TTC39C: variants seen among roughly 807,000 people sequenced by gnomAD.
The protein encoded by TTC39C is tetratricopeptide repeat domain 39C, also known as tetratricopeptide repeat protein 39C.
Under a neutral mutation model 76.3 loss-of-function variants are expected in TTC39C, and 33 were observed. The ratio of observed to expected loss-of-function variants is 0.43; its 90% CI spans 0.33 to 0.58. TTC39C has a LOEUF of 0.58. Ranked by LOEUF, TTC39C falls within the 20% of genes least tolerant of loss-of-function variation. The probability of loss-of-function intolerance (pLI) is 0.04; values close to 1 mark genes in which losing one functional copy is unlikely to be tolerated. For synonymous variants in TTC39C, 254 were observed against 260.6 expected (o/e 0.97, Z 0.24); for missense variants, 595 against 701.4 (o/e 0.85, Z 1.71).
In TTC39C at chr18:24,073,155, A is replaced by G. The variant is rs556542540; in HGVS notation, c.460+3884A>G. On this transcript the variant is annotated intron_variant, in intron 4 of 13. Coordinates refer to ENST00000317571, the MANE Select transcript of TTC39C (RefSeq NM_001135993.2). ...CCTGGGGAACTAGCCCTGGGCTAGA[A>G]TAGTAGCCACACTGCCTCTTGCTTC... 3.9e-5 allele frequency among the ~76,000 whole-genome samples: 6 copies of G among 152,306 alleles called. No homozygotes were observed. In the East Asian group the frequency reaches 1.2e-3, roughly 29 times the overall value.
chr18:24,021,620 A>G (rs1244603592), intron 1 of TTC39C, among the ~76,000 whole-genome samples: 1 of 138,626 alleles, frequency 7.2e-6, no homozygotes, highest in Non-Finnish European at 1.5e-5. Context: ...ATCTTGGCTC[A>G]CTGCAACCTC....
chr18:24,134,348 A>T lies in TTC39C; in HGVS notation c.*1774A>T, dbSNP rs1253132905. 7.7e-6 allele frequency: 1 copy of T among 129,626 alleles called. No individual in the cohort carries two copies. Among genetic ancestry groups the T allele is most frequent in the Admixed American group, 1.0e-4 (1 of 9,532 alleles). The allele number at this position is 129,626 out of a possible 1,614,324, so 8.0% of individuals were successfully genotyped here. ...GAGTGCAGTGGCGTGATCTTGGCTC[A>T]CTGCAACCTCTGCCTCCTGGGTTCA... On this transcript the variant is annotated 3_prime_UTR_variant, in exon 14 of 14. Transcript: ENST00000317571.
chr18:24,086,300 T>G (rs1411583549), intron 6 of TTC39C, among the ~76,000 whole-genome samples: 1 of 152,230 alleles, frequency 6.6e-6, no homozygotes, highest in Non-Finnish European at 1.5e-5. Context: ...GCTGCTTTTG[T>G]GTAAGCTTGC....
chr18:24,074,318 G>A (rs1220630812), intron 4 of TTC39C, among the ~76,000 whole-genome samples: 1 of 152,136 alleles, frequency 6.6e-6, no homozygotes, highest in Non-Finnish European at 1.5e-5. Context: ...ATGGTGGGTG[G>A]ATACTAAAAT....
rs372849552 is a variant in TTC39C at position 24,066,168 on chromosome 18, C to G, written c.345+28C>G. 6.4e-6 allele frequency: 10 copies of G among 1,562,820 alleles called. No individual in the cohort carries two copies. The African/African-American group carries it at 1.4e-4, about 22-fold the overall frequency. ...AAGTATTGCGGCTTTAGGTTGTGGA[C>G]TGTGTGCCACTTATTTAGAATATCA... On this transcript the variant is annotated intron_variant, in intron 3 of 13. Transcript: ENST00000317571.
At chr18:24,051,154 C>G (rs916360108) in intron 1 of TTC39C, among the ~76,000 whole-genome samples, 4 of 152,162 alleles carry the variant, frequency 2.6e-5, no homozygotes, top group Admixed American at 2.0e-4. Context: ...GACTGTCCAG[C>G]CTCCTGCTTA....
intron 1 of TTC39C, 65 bp downstream of exon 1, chr18:24,015,103 C>A: frequency 7.5e-7 from 1 of 1,339,638 alleles, no homozygotes. Context: ...TCACGCGCCT[C>A]GACCTGCGGC....
chr18:24,107,893 G>GGGT (rs1555776851), intron 6 of TTC39C, among the ~76,000 whole-genome samples: 1 of 145,348 alleles, frequency 6.9e-6, no homozygotes, highest in Non-Finnish European at 1.5e-5. Flanking sequence ...CAAGTAGGGG[G>GGGT]GGGGGTACAG....
At chr18:24,116,661 G>T (rs764510143) in intron 7 of TTC39C, among the ~76,000 whole-genome samples, 1 of 152,048 alleles carries the variant, frequency 6.6e-6, no homozygotes, top group Non-Finnish European at 1.5e-5. Context: ...GGTTTAAATG[G>T]CAAGTCTCAG....
At chr18:24,082,156 G>T (rs1236352707) in intron 5 of TTC39C, among the ~76,000 whole-genome samples, 1 of 151,604 alleles carries the variant, frequency 6.6e-6, no homozygotes, top group East Asian at 1.9e-4. Context: ...AAGTAGCTAG[G>T]ATTACAAATC....
intron 1 of TTC39C, among the ~76,000 whole-genome samples, chr18:24,033,596 C>T (rs1487875760): frequency 6.6e-6 from 1 of 152,214 alleles, no homozygotes; most frequent in African/African-American, 2.4e-5. Flanking sequence ...CAGCCCTGGC[C>T]TTACTTGGTT....
chr18:24,027,578 G>A (rs1389953387), intron 1 of TTC39C, among the ~76,000 whole-genome samples: 1 of 94,426 alleles, frequency 1.1e-5, no homozygotes, highest in South Asian at 3.3e-4. Flanking sequence ...TTTTTTTTTT[G>A]AGATAGGGCC....
intron 4 of TTC39C, among the ~76,000 whole-genome samples, chr18:24,079,233 T>C (rs1212518685): frequency 6.6e-6 from 1 of 152,164 alleles, no homozygotes; most frequent in African/African-American, 2.4e-5. Flanking sequence ...CAGAAAATCC[T>C]TTCTTCAAAA....
chr18:24,047,650 A>C (rs981173737), intron 1 of TTC39C, among the ~76,000 whole-genome samples: 1 of 152,048 alleles, frequency 6.6e-6, no homozygotes, highest in Non-Finnish European at 1.5e-5. Flanking sequence ...AGCAGATGAC[A>C]TACAGAGAGG....
chr18:24,132,402 C>A, intron 13 of TTC39C, 83 bp from the exon 14 acceptor site: 2 of 1,222,060 alleles, frequency 1.6e-6, no homozygotes, highest in East Asian at 2.5e-5. Context: ...TTGGGAAATG[C>A]AAAATTGAGT....
At chr18:24,048,617 ATCTC>A (rs1344688872) in intron 1 of TTC39C, among the ~76,000 whole-genome samples, 1 of 152,066 alleles carries the variant, frequency 6.6e-6, no homozygotes, top group Non-Finnish European at 1.5e-5. Flanking sequence ...TTTTTTTCCT[ATCTC>A]TATTCTTCTG....
chr18:24,029,837 T>G (rs969745371), intron 1 of TTC39C, among the ~76,000 whole-genome samples: 1 of 152,266 alleles, frequency 6.6e-6, no homozygotes, highest in Non-Finnish European at 1.5e-5. Context: ...ATTATTTCAT[T>G]TCTTTTCATG....
At chr18:24,100,811 C>T (rs1599325636) in intron 6 of TTC39C, among the ~76,000 whole-genome samples, 1 of 152,172 alleles carries the variant, frequency 6.6e-6, no homozygotes, top group Admixed American at 6.5e-5. Flanking sequence ...TCTTTTTATT[C>T]ACCAGGAATG....
chr18:23,995,879 T>C (rs1378792779), intron 1 of TTC39C, among the ~76,000 whole-genome samples: 2 of 152,190 alleles, frequency 1.3e-5, no homozygotes, highest in African/African-American at 4.8e-5. Context: ...CAAAAATTTA[T>C]GAAAAGTTTT....
Sources: gnomAD v4.1 joint callset for allele counts (sites outside exome capture counted in the v4.1 genomes callset) on GRCh38, gnomAD v4.1.1 for gene constraint, MANE v1.5 for transcripts, NCBI Gene and HGNC (gene_info 2026-07-23, HGNC 2026-07-21) for gene names.